Variants in CTNNA1 observed in about 807,000 individuals in gnomAD.
CTNNA1 encodes the protein catenin alpha-1.
In CTNNA1, 37 loss-of-function variants were observed where a neutral mutation model predicts 98.4. The observed-to-expected ratio is 0.38, with a 90% CI of 0.29 to 0.49. The LOEUF (loss-of-function observed/expected upper bound fraction) is 0.49, where lower values mean the gene tolerates loss of function less well. CTNNA1 is among the 20% of genes least tolerant of loss of function. CTNNA1 has a pLI of 0.95. For synonymous variants in CTNNA1, 404 were observed against 413.2 expected, an observed-to-expected ratio of 0.98 and a Z score of 0.27; for missense variants, 761 against 1,147.2, an observed-to-expected ratio of 0.66 and a Z score of 4.86.
chr5:138,768,821 G>T (rs1753219837), intron 1 of CTNNA1, among the ~76,000 whole-genome samples: 1 of 152,026 alleles, frequency 6.6e-6, no homozygotes, highest in Non-Finnish European at 1.5e-5. Context: ...ACTTGGTTAA[G>T]TAGCATCTTC....
chr5:138,844,324 TGTATA>T (rs1331062282), intron 7 of CTNNA1, among the ~76,000 whole-genome samples: 1 of 152,144 alleles, frequency 6.6e-6, no homozygotes, highest in Non-Finnish European at 1.5e-5. Context: ...AGTTCTGTCT[TGTATA>T]GTACGAAACC....
At chr5:138,844,820 G>A (rs1175761292) in intron 7 of CTNNA1, among the ~76,000 whole-genome samples, 1 of 152,164 alleles carries the variant, frequency 6.6e-6, no homozygotes, top group African/African-American at 2.4e-5. Flanking sequence ...GCATTCATTG[G>A]CTCTGGGGAG....
intron 9 of CTNNA1, among the ~76,000 whole-genome samples, chr5:138,897,303 C>T (rs1433837969): frequency 1.2e-5 from 1 of 83,490 alleles, no homozygotes; most frequent in Non-Finnish European, 2.6e-5. Flanking sequence ...CACCCCCCCC[C>T]CCCCCGCCCC....
Position 138,810,864 on chromosome 5 carries a change from C to T in CTNNA1, c.468+660C>T, listed in dbSNP as rs563883164. Among the ~76,000 whole-genome samples the T allele has an allele frequency of 1.8e-3, 276 of 151,458 alleles. 2 individuals carry two copies. The highest frequency in any genetic ancestry group is 6.5e-3 in the African/African-American group (268 of 41,284). ...GGGCTCCTCACTTCCCCAGTAGGGG[C>T]GGCCGGGCAGAGGCGCCCCTCACCT... On this transcript the variant is annotated intron_variant, in intron 4 of 17. Transcript: ENST00000302763.
chr5:138,799,988 C>T (rs1197378063), intron 3 of CTNNA1, among the ~76,000 whole-genome samples: 1 of 152,100 alleles, frequency 6.6e-6, no homozygotes, highest in African/African-American at 2.4e-5. Flanking sequence ...CCTCTGCCTC[C>T]TGGGTTCAAT....
intron 1 of CTNNA1, among the ~76,000 whole-genome samples, chr5:138,776,541 T>A (rs1187349825): frequency 6.6e-6 from 1 of 152,176 alleles, no homozygotes; most frequent in Non-Finnish European, 1.5e-5. Context: ...TCATGGCCCG[T>A]TCTCAATGAG....
intron 9 of CTNNA1, among the ~76,000 whole-genome samples, chr5:138,896,435 C>T (rs765220935): frequency 7.2e-5 from 11 of 152,168 alleles, no homozygotes; most frequent in Non-Finnish European, 1.5e-4. Flanking sequence ...GCCATGAGAT[C>T]TCTCTTAACT....
intron 1 of CTNNA1, among the ~76,000 whole-genome samples, chr5:138,765,724 G>A (rs1336292525): frequency 6.6e-6 from 1 of 151,924 alleles, no homozygotes; most frequent in African/African-American, 2.4e-5. Context: ...GCCGAGGCAG[G>A]TGGATCACGA....
At chr5:138,787,079 G>A (rs1755793283) in intron 3 of CTNNA1, among the ~76,000 whole-genome samples, 1 of 152,138 alleles carries the variant, frequency 6.6e-6, no homozygotes. Context: ...GTTTAGGATG[G>A]GGGTTGGTAA....
intron 5 of CTNNA1, among the ~76,000 whole-genome samples, chr5:138,813,374 G>A (rs898010331): frequency 6.6e-6 from 1 of 152,166 alleles, no homozygotes; most frequent in African/African-American, 2.4e-5. Context: ...TCTGAATTGT[G>A]CAACATGCCT....
At chr5:138,756,379 C>G (rs1751650241) in intron 1 of CTNNA1, among the ~76,000 whole-genome samples, 2 of 152,046 alleles carry the variant, frequency 1.3e-5, no homozygotes, top group Admixed American at 1.3e-4. Flanking sequence ...ATTGGTGAGT[C>G]TGGTCTTTAA....
chr5:138,880,815 T>G, intron 7 of CTNNA1: 1 of 320,846 alleles, frequency 3.1e-6, no homozygotes, highest in Non-Finnish European at 6.2e-6. Context: ...TTTAAGGGGT[T>G]AGTTTGCATG....
intron 1 of CTNNA1, among the ~76,000 whole-genome samples, chr5:138,776,696 G>A (rs1163406309): frequency 1.4e-5 from 2 of 143,870 alleles, no homozygotes; most frequent in Non-Finnish European, 3.1e-5. Context: ...CCTCCCTCCC[G>A]GACGGGGCGG....
intron 7 of CTNNA1, among the ~76,000 whole-genome samples, chr5:138,852,797 A>G (rs558469144): frequency 1.6e-4 from 24 of 151,326 alleles, no homozygotes; most frequent in Admixed American, 7.9e-4. Flanking sequence ...AGTGTTACCA[A>G]TCTGGAATCA....
intron 1 of CTNNA1, among the ~76,000 whole-genome samples, chr5:138,762,309 G>A (rs1327268078): frequency 1.3e-5 from 2 of 152,150 alleles, no homozygotes; most frequent in Non-Finnish European, 2.9e-5. Flanking sequence ...ACTGAACAGT[G>A]TGGGGAATTA....
chr5:138,921,159 C>T (rs1460159912), intron 11 of CTNNA1, among the ~76,000 whole-genome samples: 1 of 152,136 alleles, frequency 6.6e-6, no homozygotes, highest in African/African-American at 2.4e-5. Context: ...TTGACCAATC[C>T]CTTAAGGAGA....
Position 138,902,821 on chromosome 5 carries a change from A to G in CTNNA1, c.1297-1528A>G, listed in dbSNP as rs570324361. 3.9e-5 allele frequency among the ~76,000 whole-genome samples: 6 copies of G among 152,358 alleles called. No individual in the cohort carries two copies. The South Asian group carries it at 1.2e-3, about 32-fold the overall frequency. On this transcript the variant is annotated intron_variant, in intron 9 of 17. Transcript: ENST00000302763. ...TGTCGTCTTAAGGCAGTGAAGCAAT[A>G]GAAGTTGTAGATTACTCTTCATGAA...
intron 1 of CTNNA1, among the ~76,000 whole-genome samples, chr5:138,776,061 T>TA (rs1754115975): frequency 6.7e-6 from 1 of 148,662 alleles, no homozygotes; most frequent in African/African-American, 2.5e-5. Context: ...TTTTTTTTTT[T>TA]TTATTGATCA....
chr5:138,848,170 T>C (rs1762892704), intron 7 of CTNNA1, among the ~76,000 whole-genome samples: 1 of 150,924 alleles, frequency 6.6e-6, no homozygotes, highest in Admixed American at 6.6e-5. Context: ...TGTTCTAGTC[T>C]TGACAGCTGC....
Sources: allele counts gnomAD v4.1 joint callset (sites outside exome capture counted in the v4.1 genomes callset), GRCh38; gene constraint gnomAD v4.1.1; transcripts MANE v1.5; gene names NCBI Gene and HGNC (gene_info 2026-07-23, HGNC 2026-07-21).